CDH12: variants seen among roughly 807,000 people sequenced by gnomAD.
The protein encoded by CDH12 is cadherin-12.
CDH12 carries 41 observed loss-of-function variants against 74.1 expected under a neutral mutation model. The observed-to-expected ratio is 0.55, with a 90% CI of 0.43 to 0.72. CDH12 has a LOEUF of 0.72. Ranked by LOEUF, CDH12 falls within the 30% of genes least tolerant of loss-of-function variation. The pLI, the probability that CDH12 is intolerant of heterozygous loss-of-function variation, is 0.00. For missense variants in CDH12, 945 were observed against 977.2 expected (o/e 0.97, Z 0.44); for synonymous variants, 399 against 355.0 (o/e 1.12, Z -1.39).
intron 6 of CDH12, among the ~76,000 whole-genome samples, chr5:21,968,804 G>T (rs1369634327): frequency 6.6e-6 from 1 of 151,978 alleles, no homozygotes; most frequent in Non-Finnish European, 1.5e-5. Flanking sequence ...GCCACAAAAA[G>T]GAAATGAGAT....
intron 1 of CDH12, among the ~76,000 whole-genome samples, chr5:22,844,821 C>T (rs1385004347): frequency 1.3e-5 from 2 of 152,014 alleles, no homozygotes; most frequent in African/African-American, 4.8e-5. Flanking sequence ...GAAGAATTAG[C>T]AATGCCCTTC....
intron 9 of CDH12, among the ~76,000 whole-genome samples, chr5:21,808,156 C>G (rs1747539639): frequency 6.6e-6 from 1 of 151,972 alleles, no homozygotes; most frequent in East Asian, 1.9e-4. Flanking sequence ...CAATACAAAA[C>G]AAACAGCCAC....
intron 6 of CDH12, among the ~76,000 whole-genome samples, chr5:21,872,762 C>T (rs1249631573): frequency 1.3e-5 from 2 of 151,822 alleles, no homozygotes; most frequent in Non-Finnish European, 2.9e-5. Context: ...TGATCAGATG[C>T]CTCTGCCATG....
chr5:22,775,949 T>C (rs1001237382), intron 1 of CDH12, among the ~76,000 whole-genome samples: 3 of 151,944 alleles, frequency 2.0e-5, no homozygotes, highest in African/African-American at 7.3e-5. Context: ...TTATCAGGGG[T>C]TTCCACTTTT....
intron 10 of CDH12, among the ~76,000 whole-genome samples, chr5:21,791,638 T>A (rs1746504272): frequency 6.7e-6 from 1 of 150,260 alleles, no homozygotes; most frequent in Admixed American, 6.7e-5. Context: ...CTGTATATAA[T>A]AAAATAAACC....
intron 3 of CDH12, among the ~76,000 whole-genome samples, chr5:22,284,405 T>G (rs970373851): frequency 8.5e-5 from 13 of 152,144 alleles, no homozygotes; most frequent in Non-Finnish European, 1.6e-4. Flanking sequence ...TGGTCTCATC[T>G]GAAGACTGAG....
intron 1 of CDH12, among the ~76,000 whole-genome samples, chr5:22,818,187 G>T (rs185153625): frequency 1.4e-4 from 22 of 152,170 alleles, no homozygotes; most frequent in Admixed American, 1.4e-3. Context: ...TGCTGTCTTG[G>T]TGAGGCTTTA....
At chr5:22,051,319 A>T (rs901792711) in intron 5 of CDH12, among the ~76,000 whole-genome samples, 1 of 152,166 alleles carries the variant, frequency 6.6e-6, no homozygotes, top group African/African-American at 2.4e-5. Context: ...GTCAATTCTA[A>T]GAAAAATTCA....
At chr5:22,100,979 T>C (rs1744108743) in intron 4 of CDH12, among the ~76,000 whole-genome samples, 1 of 152,186 alleles carries the variant, frequency 6.6e-6, no homozygotes, top group Non-Finnish European at 1.5e-5. Context: ...TTTTGCTGTA[T>C]TATTTTACAA....
intron 6 of CDH12, among the ~76,000 whole-genome samples, chr5:21,941,969 A>G (rs1485388038): frequency 2.0e-5 from 3 of 152,178 alleles, no homozygotes; most frequent in Non-Finnish European, 4.4e-5. Flanking sequence ...GTCACCTTCC[A>G]TGACAAAAAG....
chr5:21,811,241 C>G (rs1747729379), intron 9 of CDH12, among the ~76,000 whole-genome samples: 1 of 152,028 alleles, frequency 6.6e-6, no homozygotes, highest in South Asian at 2.1e-4. Flanking sequence ...CTTCACCACT[C>G]TTCATTTTAA....
At chr5:22,492,274 G>A (rs1746905511) in intron 2 of CDH12, among the ~76,000 whole-genome samples, 1 of 151,946 alleles carries the variant, frequency 6.6e-6, no homozygotes, top group Non-Finnish European at 1.5e-5. Flanking sequence ...AAAACAGCAG[G>A]ACTTTCCAGT....
chr5:22,383,578 G>C (rs567896716), intron 3 of CDH12, among the ~76,000 whole-genome samples: 1 of 152,122 alleles, frequency 6.6e-6, no homozygotes, highest in Non-Finnish European at 1.5e-5. Flanking sequence ...AAACGTTGCT[G>C]GTAGAAATTC....
intron 5 of CDH12, among the ~76,000 whole-genome samples, chr5:22,035,949 T>C (rs1411215839): frequency 6.6e-6 from 1 of 152,218 alleles, no homozygotes; most frequent in Non-Finnish European, 1.5e-5. Context: ...CTGAAATTCA[T>C]TGATTGATTC....
chr5:22,423,417 A>T (rs1319862072), intron 2 of CDH12, among the ~76,000 whole-genome samples: 1 of 152,190 alleles, frequency 6.6e-6, no homozygotes, highest in Non-Finnish European at 1.5e-5. Flanking sequence ...CTCGTGCTCC[A>T]GAGTAGGTAA....
At chr5:21,873,040 C>T (rs911861410) in intron 6 of CDH12, among the ~76,000 whole-genome samples, 5 of 152,100 alleles carry the variant, frequency 3.3e-5, no homozygotes, top group Admixed American at 3.3e-4. Context: ...TATAAACTAG[C>T]AGTTAGAAGT....
intron 1 of CDH12, among the ~76,000 whole-genome samples, chr5:22,664,822 A>G (rs1329007143): frequency 1.3e-5 from 2 of 152,320 alleles, no homozygotes; most frequent in Non-Finnish European, 2.9e-5. Flanking sequence ...AGTATTGTAC[A>G]CATACTACTA....
intron 9 of CDH12, among the ~76,000 whole-genome samples, chr5:21,806,775 T>A (rs530221076): frequency 6.6e-6 from 1 of 152,318 alleles, no homozygotes; most frequent in African/African-American, 2.4e-5. Flanking sequence ...CATGGCGGAC[T>A]CCATCTTGCT....
intron 5 of CDH12, among the ~76,000 whole-genome samples, chr5:22,065,173 A>G (rs1741469842): frequency 6.6e-6 from 1 of 152,136 alleles, no homozygotes; most frequent in African/African-American, 2.4e-5. Flanking sequence ...GCTCTCTTTG[A>G]TTCTAGTTGT....
Sources: allele counts gnomAD v4.1 joint callset (sites outside exome capture counted in the v4.1 genomes callset), GRCh38; gene constraint gnomAD v4.1.1; transcripts MANE v1.5; gene names NCBI Gene and HGNC (gene_info 2026-07-23, HGNC 2026-07-21).